Variants in GRID1 observed in about 807,000 individuals in gnomAD.
GRID1 encodes glutamate receptor ionotropic, delta-1.
In GRID1, 28 loss-of-function variants were observed where a neutral mutation model predicts 98.0. The ratio of observed to expected loss-of-function variants is 0.29; its 90% CI spans 0.21 to 0.39. The LOEUF (loss-of-function observed/expected upper bound fraction) is 0.39, where lower values mean the gene tolerates loss of function less well. Among genes scored for constraint, GRID1 ranks in the 10% least tolerant of loss-of-function variants. The pLI, the probability that GRID1 is intolerant of heterozygous loss-of-function variation, is 1.00. For missense variants in GRID1, 1,111 were observed against 1,340.5 expected (o/e 0.83, Z 2.67); for synonymous variants, 553 against 538.5 (o/e 1.03, Z -0.37).
chr10:86,093,830 T>C (rs1844182117), intron 4 of GRID1, among the ~76,000 whole-genome samples: 1 of 152,096 alleles, frequency 6.6e-6, no homozygotes, highest in Non-Finnish European at 1.5e-5. Context: ...GAAGGAACCC[T>C]CCCTAATTCA....
chr10:86,116,863 A>T (rs1029506150), intron 4 of GRID1, among the ~76,000 whole-genome samples: 1 of 152,134 alleles, frequency 6.6e-6, no homozygotes, highest in Non-Finnish European at 1.5e-5. Context: ...ATTGTCCCTT[A>T]GAGCCAGGTC....
intron 2 of GRID1, among the ~76,000 whole-genome samples, chr10:86,341,274 A>C (rs1230738433): frequency 6.6e-6 from 1 of 152,158 alleles, no homozygotes; most frequent in Non-Finnish European, 1.5e-5. Context: ...TAGAGATAGC[A>C]AGAAAACCCT....
At chr10:85,858,419 C>A (rs1386194046) in intron 6 of GRID1, among the ~76,000 whole-genome samples, 1 of 152,148 alleles carries the variant, frequency 6.6e-6, no homozygotes, top group East Asian at 1.9e-4. Flanking sequence ...GCACAGGGAA[C>A]ACCATGACAG....
intron 4 of GRID1, among the ~76,000 whole-genome samples, chr10:86,114,449 T>A (rs1220399076): frequency 6.6e-6 from 1 of 152,070 alleles, no homozygotes; most frequent in African/African-American, 2.4e-5. Context: ...ATGACTTCCA[T>A]CCCACAGATA....
intron 5 of GRID1, among the ~76,000 whole-genome samples, chr10:85,893,774 A>G (rs1269119395): frequency 6.6e-6 from 1 of 152,208 alleles, no homozygotes; most frequent in African/African-American, 2.4e-5. Flanking sequence ...TTAGAAGACA[A>G]TATTGTTAAG....
chr10:85,879,114 C>G (rs2131801362), intron 5 of GRID1, among the ~76,000 whole-genome samples: 1 of 152,290 alleles, frequency 6.6e-6, no homozygotes, highest in East Asian at 1.9e-4. Context: ...CATCCAGATT[C>G]ATAAAGCAAG....
chr10:85,780,412 T>C (rs1361292866), intron 8 of GRID1, among the ~76,000 whole-genome samples: 1 of 152,198 alleles, frequency 6.6e-6, no homozygotes, highest in East Asian at 1.9e-4. Flanking sequence ...TGGTATAATC[T>C]GGTGTTACAG....
chr10:86,159,851 T>C (rs893483902), intron 3 of GRID1, among the ~76,000 whole-genome samples: 2 of 152,196 alleles, frequency 1.3e-5, no homozygotes, highest in African/African-American at 4.8e-5. Context: ...CCTCAGAGGA[T>C]TCTTACGAGA....
intron 4 of GRID1, among the ~76,000 whole-genome samples, chr10:86,036,149 C>T (rs1402216087): frequency 6.6e-6 from 1 of 152,150 alleles, no homozygotes; most frequent in Non-Finnish European, 1.5e-5. Context: ...GTGTGTAGGA[C>T]CCCAGGCCTA....
At chr10:86,017,502 C>T (rs963325775) in intron 4 of GRID1, among the ~76,000 whole-genome samples, 2 of 152,216 alleles carry the variant, frequency 1.3e-5, no homozygotes, top group African/African-American at 4.8e-5. Flanking sequence ...CCTGTTGCTC[C>T]AGCCTTATTT....
chr10:85,784,415 G>A (rs1477659864), intron 8 of GRID1, among the ~76,000 whole-genome samples: 1 of 152,176 alleles, frequency 6.6e-6, no homozygotes, highest in African/African-American at 2.4e-5. Context: ...TGGGTCAAGG[G>A]AGTTCTTCCT....
intron 3 of GRID1, among the ~76,000 whole-genome samples, chr10:86,154,311 C>T (rs1350612204): frequency 6.6e-6 from 1 of 152,178 alleles, no homozygotes; most frequent in East Asian, 1.9e-4. Context: ...CACAGCAAGC[C>T]TACGGGAGCA....
intron 3 of GRID1, among the ~76,000 whole-genome samples, chr10:86,203,865 C>G (rs2132017308): frequency 6.6e-6 from 1 of 152,238 alleles, no homozygotes; most frequent in East Asian, 1.9e-4. Context: ...ATGGTGTTTT[C>G]TGCTGCTGAG....
intron 4 of GRID1, among the ~76,000 whole-genome samples, chr10:86,037,853 T>C (rs1319683593): frequency 6.6e-6 from 1 of 152,088 alleles, no homozygotes; most frequent in Non-Finnish European, 1.5e-5. Context: ...AATACTGCCA[T>C]TGTATGGGCT....
At chr10:86,146,765 A>G (rs1845094896) in intron 3 of GRID1, among the ~76,000 whole-genome samples, 1 of 152,200 alleles carries the variant, frequency 6.6e-6, no homozygotes, top group African/African-American at 2.4e-5. Flanking sequence ...CTGGGTCCTG[A>G]GGGTAAGACT....
intron 3 of GRID1, among the ~76,000 whole-genome samples, chr10:86,180,977 G>A (rs1845646974): frequency 6.6e-6 from 1 of 152,192 alleles, no homozygotes; most frequent in South Asian, 2.1e-4. Context: ...AGGCAAGTGA[G>A]GGTCCTCGCT....
chr10:85,888,172 C>T (rs540910369), intron 5 of GRID1, among the ~76,000 whole-genome samples: 180 of 152,312 alleles, frequency 1.2e-3, no homozygotes, highest in South Asian at 2.1e-3. Flanking sequence ...GTATAAATGA[C>T]GCAATAGCTT....
chr10:86,218,227 G>A (rs1236212170), intron 2 of GRID1, among the ~76,000 whole-genome samples: 1 of 151,996 alleles, frequency 6.6e-6, no homozygotes, highest in Non-Finnish European at 1.5e-5. Flanking sequence ...CAGGTGTATG[G>A]GTGGAAATTA....
intron 4 of GRID1, among the ~76,000 whole-genome samples, chr10:85,955,670 C>A (rs80231112): frequency 0.013 from 2,038 of 152,284 alleles, 53 homozygotes; most frequent in African/African-American, 0.047. Flanking sequence ...AGGTCTCTTT[C>A]GACAGAGCAA....
Sources: gnomAD v4.1 joint callset for allele counts (sites outside exome capture counted in the v4.1 genomes callset) on GRCh38, gnomAD v4.1.1 for gene constraint, MANE v1.5 for transcripts, NCBI Gene and HGNC (gene_info 2026-07-23, HGNC 2026-07-21) for gene names.